MAST4: variants seen among roughly 807,000 people sequenced by gnomAD.
The protein encoded by MAST4 is microtubule associated serine/threonine kinase family member 4.
Under a neutral mutation model 162.7 loss-of-function variants are expected in MAST4, and 89 were observed. The ratio of observed to expected loss-of-function variants is 0.55; its 90% confidence interval spans 0.46 to 0.65. MAST4 has a LOEUF of 0.65. Among genes scored for constraint, MAST4 ranks in the 30% least tolerant of loss-of-function variants. The probability of loss-of-function intolerance (pLI) is 0.00; values close to 1 mark genes in which losing one functional copy is unlikely to be tolerated. For synonymous variants in MAST4, 1,479 were observed against 1,361.1 expected, an observed-to-expected ratio of 1.09 and a Z score of -1.91; for missense variants, 3,153 against 3,374.0, an observed-to-expected ratio of 0.93 and a Z score of 1.62.
chr5:66,832,076 A>AG (rs1757640459), intron 3 of MAST4, among the ~76,000 whole-genome samples: 1 of 152,128 alleles, frequency 6.6e-6, no homozygotes, highest in South Asian at 2.1e-4. Context: ...AATGAACAAT[A>AG]GGCATCGTAA....
chr5:67,148,293 T>C (rs1771350232), intron 23 of MAST4, among the ~76,000 whole-genome samples: 1 of 152,150 alleles, frequency 6.6e-6, no homozygotes, highest in African/African-American at 2.4e-5. Context: ...GAGCATTTTC[T>C]CTCCTGGATG....
At position 67,049,027 on chromosome 5, in the gene MAST4, A is replaced by G. The variant is rs1029297217; in HGVS notation, c.675-5377A>G. On this transcript the variant is annotated intron_variant, in intron 4 of 28. Transcript: ENST00000403625. ...CACACACATATATATATATACGTAT[A>G]TATATATATATATACGTGTATATAT... Among the ~76,000 whole-genome samples the G allele has an allele frequency of 3.8e-4, 32 of 84,016 alleles. 1 individual carries two copies. Among genetic ancestry groups the G allele is most frequent in the African/African-American group, 1.1e-3 (24 of 20,928 alleles). The allele number at this position is 84,016 out of a possible 152,430, so 55.1% of individuals were successfully genotyped here. A position where few individuals can be genotyped will look rare whatever the true frequency, so the allele number is the denominator to read the frequency against.
intron 5 of MAST4, among the ~76,000 whole-genome samples, chr5:67,056,040 C>A (rs1252604461): frequency 6.8e-6 from 1 of 147,124 alleles, no homozygotes; most frequent in South Asian, 2.2e-4. Context: ...TATTATATAT[C>A]CTATAATATG....
At position 66,597,002 on chromosome 5, in the gene MAST4, A is replaced by G. The variant is rs1270171967; in HGVS notation, c.347A>G (p.Glu116Gly). ...PAPRGSSASQ[E>G]EQDEELDHIL... ...CCCCGGGGCAGCAGCGCGTCCCAGGAGGAGCAGGACGAGGAGGTGGGCCTT... is the reference window on the plus strand; with the variant it reads ...CCCCGGGGCAGCAGCGCGTCCCAGGGGGAGCAGGACGAGGAGGTGGGCCTT... The change falls in exon 1 of 29, where the codon GAG (glutamate) becomes GGG (glycine). Residue 116 changes from glutamate to glycine, a missense_variant. Coordinates refer to ENST00000403625, the MANE Select transcript of MAST4 (RefSeq NM_001164664.2). The G allele has an allele frequency of 6.9e-7, 1 of 1,451,530 alleles. No individual in the cohort carries two copies. Among genetic ancestry groups the G allele is most frequent in the Non-Finnish European group, 9.0e-7 (1 of 1,108,464 alleles). The allele number at this position is 1,451,530 out of a possible 1,614,324, so 89.9% of individuals were successfully genotyped here.
chr5:66,940,800 A>G (rs1743278935), intron 4 of MAST4, among the ~76,000 whole-genome samples: 1 of 152,110 alleles, frequency 6.6e-6, no homozygotes, highest in Non-Finnish European at 1.5e-5. Context: ...TACTTTGCCC[A>G]GATCCATTAG....
chr5:66,613,446 G>T (rs531654013), intron 1 of MAST4, among the ~76,000 whole-genome samples: 2 of 151,796 alleles, frequency 1.3e-5, no homozygotes, highest in African/African-American at 4.8e-5. Flanking sequence ...GGCCCAATTA[G>T]AATTTCAAAC....
intron 1 of MAST4, among the ~76,000 whole-genome samples, chr5:66,636,654 A>G (rs1260775405): frequency 3.3e-5 from 5 of 152,184 alleles, no homozygotes; most frequent in Admixed American, 3.3e-4. Flanking sequence ...TGTGGTAATG[A>G]CATCGAGATT....
chr5:66,855,405 T>C (rs1002399305), intron 3 of MAST4, among the ~76,000 whole-genome samples: 4 of 152,196 alleles, frequency 2.6e-5, no homozygotes, highest in Non-Finnish European at 5.9e-5. Flanking sequence ...TCTTAGATAC[T>C]TCTTTATAGC....
intron 1 of MAST4, among the ~76,000 whole-genome samples, chr5:66,650,835 T>C (rs1428389500): frequency 6.6e-6 from 1 of 152,228 alleles, no homozygotes; most frequent in Non-Finnish European, 1.5e-5. Context: ...CCCAAATACA[T>C]GTGGTAAAAC....
intron 3 of MAST4, among the ~76,000 whole-genome samples, chr5:66,870,075 T>A (rs1760816013): frequency 6.6e-6 from 1 of 152,202 alleles, no homozygotes; most frequent in Admixed American, 6.5e-5. Flanking sequence ...TAGGAAGGTG[T>A]TATGCCTTTC....
At chr5:66,643,292 G>C (rs969165277) in intron 1 of MAST4, among the ~76,000 whole-genome samples, 9 of 152,092 alleles carry the variant, frequency 5.9e-5, no homozygotes, top group African/African-American at 2.2e-4. Flanking sequence ...AAATCTGTGC[G>C]GAGCTTCCCT....
chr5:66,709,608 T>G (rs190640730), intron 1 of MAST4, among the ~76,000 whole-genome samples: 95 of 152,306 alleles, frequency 6.2e-4, no homozygotes, highest in Non-Finnish European at 1.1e-3. Flanking sequence ...TGAGCCACCA[T>G]ATGCAGCCCC....
chr5:66,792,458 T>G (rs1755458134), intron 3 of MAST4: 1 of 164,260 alleles, frequency 6.1e-6, no homozygotes, highest in Admixed American at 6.5e-5. Flanking sequence ...TTTCTACTTT[T>G]CACTGCTCTC....
intron 1 of MAST4, among the ~76,000 whole-genome samples, chr5:66,623,832 G>T (rs552546430): frequency 6.6e-6 from 1 of 152,164 alleles, no homozygotes; most frequent in African/African-American, 2.4e-5. Context: ...TTATCTGTTT[G>T]CAGGTGTCAT....
chr5:66,973,818 A>G (rs1368429493), intron 4 of MAST4, among the ~76,000 whole-genome samples: 2 of 152,148 alleles, frequency 1.3e-5, no homozygotes, highest in Non-Finnish European at 2.9e-5. Flanking sequence ...ACATTTTTCT[A>G]TAGAATAAAA....
intron 1 of MAST4, among the ~76,000 whole-genome samples, chr5:66,742,285 C>T (rs980672773): frequency 1.3e-5 from 2 of 152,136 alleles, no homozygotes; most frequent in African/African-American, 4.8e-5. Flanking sequence ...GTTCACACTT[C>T]CCGAGGCGGC....
intron 1 of MAST4, among the ~76,000 whole-genome samples, chr5:66,740,824 C>G (rs16895574): frequency 0.026 from 3,888 of 152,218 alleles, 105 homozygotes; most frequent in African/African-American, 0.071. Context: ...AAAACAGTTC[C>G]GGAATGGCTT....
At chr5:66,986,303 C>T (rs1446239037) in intron 4 of MAST4, 1 of 499,516 alleles carries the variant, frequency 2.0e-6, no homozygotes, top group African/African-American at 2.0e-5. Flanking sequence ...GAAAGGGAAA[C>T]TGAGCCCAAG....
chr5:66,611,478 A>C (rs1743284798), intron 1 of MAST4, among the ~76,000 whole-genome samples: 1 of 152,090 alleles, frequency 6.6e-6, no homozygotes, highest in African/African-American at 2.4e-5. Context: ...TGCATTGTGG[A>C]GTTAGTGCAA....
Sources: allele counts gnomAD v4.1 joint callset (sites outside exome capture counted in the v4.1 genomes callset), GRCh38; gene constraint gnomAD v4.1.1; transcripts MANE v1.5; gene names NCBI Gene and HGNC (gene_info 2026-07-23, HGNC 2026-07-21).